The following SORCS2 variants were observed in gnomAD, a reference collection of about 807,000 sequenced individuals.
SORCS2 encodes the protein sortilin related VPS10 domain containing receptor 2, also known as VPS10 domain-containing receptor SorCS2.
A neutral mutation model predicts 141.6 loss-of-function variants in SORCS2; 100 were observed. The observed-to-expected ratio is 0.71, with a 90% CI of 0.60 to 0.83. The LOEUF (loss-of-function observed/expected upper bound fraction) is 0.83. Among genes scored for constraint, SORCS2 ranks in the 40% least tolerant of loss-of-function variants. The pLI, the probability that SORCS2 is intolerant of heterozygous loss-of-function variation, is 0.00. For missense variants in SORCS2, 1,646 were observed against 1,560.2 expected, an observed-to-expected ratio of 1.05 and a Z score of -0.93; for synonymous variants, 789 against 676.9, an observed-to-expected ratio of 1.17 and a Z score of -2.57.
intron 1 of SORCS2, among the ~76,000 whole-genome samples, chr4:7,384,597 C>T (rs1361372913): frequency 1.3e-5 from 2 of 152,216 alleles, no homozygotes; most frequent in Non-Finnish European, 2.9e-5. Context: ...GTCCACACCA[C>T]AGGGCTGGAG....
chr4:7,274,677 C>T (rs187846681), intron 1 of SORCS2, among the ~76,000 whole-genome samples: 3 of 152,324 alleles, frequency 2.0e-5, no homozygotes, highest in East Asian at 3.9e-4. Flanking sequence ...TTGGGGATTA[C>T]AATTCAGCAT....
At chr4:7,393,877 G>C (rs2109106522) in intron 1 of SORCS2, among the ~76,000 whole-genome samples, 1 of 152,256 alleles carries the variant, frequency 6.6e-6, no homozygotes, top group South Asian at 2.1e-4. Flanking sequence ...TGCTAGTGCA[G>C]AGCCAAGCGT....
intron 2 of SORCS2, among the ~76,000 whole-genome samples, chr4:7,407,162 T>C (rs1247208594): frequency 6.6e-6 from 1 of 152,068 alleles, no homozygotes; most frequent in Non-Finnish European, 1.5e-5. Flanking sequence ...TTGGGTGAAA[T>C]GTTCCATAAA....
At chr4:7,729,858 C>T (rs1233089283) in intron 23 of SORCS2, 146 bp downstream of exon 23, 2 of 1,204,188 alleles carry the variant, frequency 1.7e-6, no homozygotes, top group Non-Finnish European at 2.3e-6. Flanking sequence ...GTGGCTTGAC[C>T]TCGTCCACCT....
intron 11 of SORCS2, among the ~76,000 whole-genome samples, chr4:7,691,886 A>C (rs1405104683): frequency 2.0e-5 from 3 of 151,914 alleles, no homozygotes; most frequent in African/African-American, 7.3e-5. Context: ...CGGTCTCCCA[A>C]CATCTCTCAG....
rs908011321 is a variant in SORCS2 at position 7,742,021 on chromosome 4, G to A, written c.*1757G>A. On this transcript the variant is annotated 3_prime_UTR_variant, in exon 27 of 27. Coordinates refer to ENST00000507866, the MANE Select transcript of SORCS2 (RefSeq NM_020777.3). Reference sequence around the variant, plus strand: ...CACCCTGGGCCACACAGGCGTGGAGGTGTCCCCACCCCTTCCACCTGTCCC... The same window carrying A: ...CACCCTGGGCCACACAGGCGTGGAGATGTCCCCACCCCTTCCACCTGTCCC... 4 of 152,224 alleles carry A rather than the reference G, an allele frequency of 2.6e-5. No individual in the cohort carries two copies. The highest frequency in any genetic ancestry group is 9.7e-5 in the African/African-American group (4 of 41,424). The allele number at this position is 152,224 out of a possible 1,614,324, so 9.4% of individuals were successfully genotyped here.
chr4:7,480,244 G>A (rs1318835264), intron 2 of SORCS2, among the ~76,000 whole-genome samples: 2 of 152,242 alleles, frequency 1.3e-5, no homozygotes, highest in Non-Finnish European at 2.9e-5. Flanking sequence ...CTGATGGCAC[G>A]TGGGCTTTGG....
intron 20 of SORCS2, 126 bp from the exon 21 acceptor site, chr4:7,726,654 G>T: frequency 7.9e-7 from 1 of 1,264,056 alleles, no homozygotes; most frequent in Non-Finnish European, 1.1e-6. Flanking sequence ...TGTCCATAAT[G>T]GGCCCATTTG....
At chr4:7,726,957 A>G (rs149143472) in intron 21 of SORCS2, 54 bp downstream of exon 21, 23,556 of 1,564,332 alleles carry the variant, frequency 0.015, 202 homozygotes, top group Non-Finnish European at 0.017. Flanking sequence ...GCTGCAGTCC[A>G]GGAAGCCAGG....
chr4:7,213,578 C>T (rs1227045117), intron 1 of SORCS2, among the ~76,000 whole-genome samples: 1 of 152,190 alleles, frequency 6.6e-6, no homozygotes, highest in Non-Finnish European at 1.5e-5. Context: ...AATCTGAACC[C>T]AAATAAGTCA....
intron 23 of SORCS2, among the ~76,000 whole-genome samples, chr4:7,730,092 G>C (rs980507737): frequency 1.3e-5 from 2 of 152,148 alleles, no homozygotes; most frequent in Admixed American, 1.3e-4. Flanking sequence ...TCGGGGCCGA[G>C]CAGAAGTCAG....
intron 1 of SORCS2, among the ~76,000 whole-genome samples, chr4:7,325,915 GGTA>G (rs1182301833): frequency 2.6e-5 from 4 of 152,172 alleles, no homozygotes; most frequent in African/African-American, 7.2e-5. Context: ...TTGGGGGGTT[GGTA>G]CGCGGTACAG....
At chr4:7,572,715 T>C (rs138195090) in intron 3 of SORCS2, among the ~76,000 whole-genome samples, 1 of 152,236 alleles carries the variant, frequency 6.6e-6, no homozygotes, top group Admixed American at 6.5e-5. Flanking sequence ...AAATTTTATG[T>C]TGAAGTTCAG....
Position 7,572,431 on chromosome 4 carries a change from C to T in SORCS2, c.648+40802C>T, listed in dbSNP as rs569790783. 3.9e-5 allele frequency among the ~76,000 whole-genome samples: 6 copies of T among 152,106 alleles called. No homozygotes were observed. In the South Asian group the frequency reaches 8.3e-4, roughly 21 times the overall value. ...AATCATTTAAACGTAAGTTTCTTTA[C>T]GTGAATTTTTTTTGGAATTTAAACT... On this transcript the variant is annotated intron_variant, in intron 3 of 26. Coordinates refer to ENST00000507866, the MANE Select transcript of SORCS2 (RefSeq NM_020777.3).
At chr4:7,547,939 C>T (rs11724545) in intron 3 of SORCS2, among the ~76,000 whole-genome samples, 146,697 of 152,324 alleles carry the variant, frequency 0.96, 70,873 homozygotes, top group East Asian at 1. Context: ...CAACATGCCA[C>T]GGCCCACATG....
intron 1 of SORCS2, among the ~76,000 whole-genome samples, chr4:7,232,592 A>T (rs1711973622): frequency 6.6e-6 from 1 of 152,212 alleles, no homozygotes; most frequent in Admixed American, 6.5e-5. Context: ...ACTCCCGCTC[A>T]GCTCCTACAT....
intron 2 of SORCS2, among the ~76,000 whole-genome samples, chr4:7,487,337 T>C (rs1442108494): frequency 6.6e-6 from 1 of 152,206 alleles, no homozygotes; most frequent in East Asian, 1.9e-4. Flanking sequence ...GTGGGCTGTG[T>C]TATCCCCATC....
rs1722355166 is a variant in SORCS2 at position 7,664,210 on chromosome 4, G to GAAT, written c.953-143_953-142insAAT. The stretch of plus-strand genomic sequence containing the variant: ...GAGGATGACACCCTCAGCCGCAGGT[G>GAAT]TCATCACGGTGGCCTTTAGAATTCA... On this transcript the variant is annotated intron_variant, in intron 6 of 26. Transcript: ENST00000507866. The surrounding 1 kb of genome is among the most constrained non-coding windows in gnomAD (Gnocchi z 4.7). 5 of 629,048 alleles carry GAAT rather than the reference G, an allele frequency of 7.9e-6. No individual in the cohort carries two copies. In the South Asian group the frequency reaches 1.0e-4, roughly 13 times the overall value. 39.0% of individuals were successfully genotyped at this position (629,048 alleles called of 1,614,324 possible).
intron 1 of SORCS2, among the ~76,000 whole-genome samples, chr4:7,208,189 A>C (rs764877675): frequency 3.9e-5 from 6 of 152,014 alleles, no homozygotes; most frequent in Non-Finnish European, 8.8e-5. Context: ...CCCCTGGGAC[A>C]TGCAGAAGGG....
Sources: gnomAD v4.1 joint callset for allele counts (sites outside exome capture counted in the v4.1 genomes callset) on GRCh38, gnomAD v4.1.1 for gene constraint, Gnocchi (gnomAD v3.1) non-coding constraint, MANE v1.5 for transcripts, NCBI Gene and HGNC (gene_info 2026-07-23, HGNC 2026-07-21) for gene names.